The following NCAN variants were observed in gnomAD, a reference collection of about 807,000 sequenced individuals.
The protein encoded by NCAN is neurocan.
Under a neutral mutation model 121.8 loss-of-function variants are expected in NCAN, and 47 were observed. That is an observed-to-expected ratio of 0.39 (90% CI 0.31 to 0.49). NCAN has a LOEUF of 0.49. Among genes scored for constraint, NCAN ranks in the 20% least tolerant of loss-of-function variants. The pLI, the probability that NCAN is intolerant of heterozygous loss-of-function variation, is 0.92. For synonymous variants in NCAN, 633 were observed against 702.0 expected (o/e 0.90, Z 1.55); for missense variants, 1,517 against 1,773.4 (o/e 0.86, Z 2.60).
intron 8 of NCAN, among the ~76,000 whole-genome samples, chr19:19,231,662 C>T (rs1313453717): frequency 5.9e-5 from 9 of 151,976 alleles, no homozygotes; most frequent in Admixed American, 3.9e-4. Context: ...CACTAGGCTG[C>T]GAAATGCTTA....
chr19:19,220,793 C>T (rs751692300), intron 3 of NCAN, among the ~76,000 whole-genome samples: 1 of 151,970 alleles, frequency 6.6e-6, no homozygotes, highest in Non-Finnish European at 1.5e-5. Flanking sequence ...TGTTGAGCTG[C>T]GTGTGGTAGT....
Position 19,248,769 on chromosome 19 carries a change from T to A in NCAN, c.3707T>A (p.Val1236Asp), listed in dbSNP as rs2060935427. 1 of 1,614,006 alleles carries A rather than the reference T, an allele frequency of 6.2e-7. No individual in the cohort carries two copies. The highest frequency in any genetic ancestry group is 8.5e-7 in the Non-Finnish European group (1 of 1,180,014). Reference protein sequence around the residue: ...LIGARKAKYNVHATVRYQCNE... With the variant: ...LIGARKAKYNDHATVRYQCNE... ...GGTGCCCGCAAGGCCAAGTACAATG[T>A]CCATGCCACTGTAAGGTACCAGTGC... Residue 1236 changes from valine to aspartate, a missense_variant, in exon 14 of 15, where the codon GTC (valine) becomes GAC (aspartate). By Grantham distance (152) the Val-to-Asp change is radical. Coordinates refer to ENST00000252575, the MANE Select transcript of NCAN (RefSeq NM_004386.3).
chr19:19,221,385 T>C (rs886752048), intron 3 of NCAN, among the ~76,000 whole-genome samples: 1 of 151,930 alleles, frequency 6.6e-6, no homozygotes, highest in Admixed American at 6.6e-5. Flanking sequence ...CTGGCCAAGA[T>C]GGTGAAACCC....
At chr19:19,244,340 A>C (rs2060916169) in intron 12 of NCAN, among the ~76,000 whole-genome samples, 4 of 139,924 alleles carry the variant, frequency 2.9e-5, no homozygotes, top group Admixed American at 1.5e-4. Context: ...ATAGAATCTC[A>C]CTCCATCACC....
At chr19:19,230,715 CT>C (rs5827437) in intron 8 of NCAN, among the ~76,000 whole-genome samples, 79 of 127,766 alleles carry the variant, frequency 6.2e-4, no homozygotes, top group African/African-American at 8.3e-4. Flanking sequence ...GGGGTGGGAT[CT>C]TTTTTTTTTT....
chr19:19,238,304 G>A lies in NCAN; in HGVS notation c.3302G>A (p.Arg1101His), dbSNP rs372133867. Residue 1101 changes from arginine to histidine, a missense_variant, in exon 11 of 15, where the codon CGC (arginine) becomes CAC (histidine). By Grantham distance (29) the Arg-to-His change is conservative. Transcript: ENST00000252575. ...CATAAGTTCCAGGGCCACTGTTACC[G>A]CTATTTTGCCCACCGGAGGGCATGG... ...GWHKFQGHCYRYFAHRRAWED... is the reference protein window; with the variant it reads ...GWHKFQGHCYHYFAHRRAWED... The A allele has an allele frequency of 1.8e-5, 29 of 1,614,052 alleles. 1 individual carries two copies. The highest frequency in any genetic ancestry group is 6.7e-5 in the Admixed American group (4 of 60,008).
chr19:19,233,290 T>C (rs2146548114), intron 8 of NCAN, among the ~76,000 whole-genome samples: 1 of 151,990 alleles, frequency 6.6e-6, no homozygotes, highest in East Asian at 1.9e-4. Flanking sequence ...AGTGGAATGG[T>C]CAGATGCTGC....
At chr19:19,216,657 G>C (rs914267071) in intron 1 of NCAN, among the ~76,000 whole-genome samples, 4 of 151,912 alleles carry the variant, frequency 2.6e-5, no homozygotes, top group Admixed American at 2.6e-4. Context: ...GCCCAGGCTG[G>C]TCTCAAGCTT....
intron 1 of NCAN, among the ~76,000 whole-genome samples, chr19:19,215,731 C>T (rs1238992991): frequency 6.6e-6 from 1 of 152,174 alleles, no homozygotes; most frequent in Non-Finnish European, 1.5e-5. Flanking sequence ...TCGTGTCAGC[C>T]AGCAAACCCA....
At position 19,219,137 on chromosome 19, in the gene NCAN, A is replaced by T; in HGVS notation, c.296A>T (p.Asn99Ile). The T allele has an allele frequency of 6.2e-7, 1 of 1,613,932 alleles. No homozygotes were observed. Among genetic ancestry groups the T allele is most frequent in the Non-Finnish European group, 8.5e-7 (1 of 1,179,966 alleles). Residue 99 changes from asparagine (N) to isoleucine (I), a missense_variant, in exon 3 of 15, where the codon AAT becomes ATT. Transcript: ENST00000252575. ...TTGCCCATCCTGGTGGCCAAGGACA[A>T]TGTCGTGAGGGTGGCCAAAAGCTGG... ...QDLPILVAKD[N>I]VVRVAKSWQG...
rs1216024092 is a variant in NCAN at position 19,225,075 on chromosome 19, C to G, written c.877C>G (p.Leu293Val). ...TGCCGCGCTGGCCTCGGTGGGACAG[C>G]TGCACCTGGCCTGGCATGAGGGCCT... ...QGAALASVGQ[L>V]HLAWHEGLDQ... The change falls in exon 6 of 15, where the codon CTG becomes GTG. Residue 293 changes from leucine to valine, a missense_variant. Leu to Val is a conservative substitution (Grantham distance 32). Transcript: ENST00000252575. This position sits in a 1 kb window ranked among gnomAD's most constrained non-coding sequence, Gnocchi z 4.0. 5.9e-6 allele frequency: 9 copies of G among 1,527,326 alleles called. No homozygotes were observed. Among genetic ancestry groups the G allele is most frequent in the Non-Finnish European group, 7.0e-6 (8 of 1,145,162 alleles). The allele number at this position is 1,527,326 out of a possible 1,614,324, so 94.6% of individuals were successfully genotyped here.
At chr19:19,240,760 G>C in intron 12 of NCAN, 75 bp downstream of exon 12, 2 of 1,486,368 alleles carry the variant, frequency 1.3e-6, no homozygotes, top group African/African-American at 2.8e-5. Context: ...TTACCCTTTT[G>C]TGCAAAGTTA....
At chr19:19,242,782 A>G (rs2060908697) in intron 12 of NCAN, among the ~76,000 whole-genome samples, 1 of 152,194 alleles carries the variant, frequency 6.6e-6, no homozygotes, top group African/African-American at 2.4e-5. Flanking sequence ...ATACCCATCA[A>G]CAGATGAAGG....
chr19:19,248,386 A>G (rs1456278591), intron 13 of NCAN, among the ~76,000 whole-genome samples: 2 of 152,114 alleles, frequency 1.3e-5, no homozygotes, highest in East Asian at 3.9e-4. Context: ...CAGGGGTTGC[A>G]GTGAGCCGAG....
At chr19:19,222,180 A>C (rs193208636) in intron 3 of NCAN, among the ~76,000 whole-genome samples, 82 of 152,294 alleles carry the variant, frequency 5.4e-4, no homozygotes, top group African/African-American at 1.9e-3. Context: ...CATTTCTGAA[A>C]ATTGATAAAA....
In NCAN at chr19:19,224,157, C is replaced by T. The variant is rs757139600; in HGVS notation, c.612C>T (p.Asp204=). Residue 204 remains aspartate, a synonymous_variant, in exon 4 of 15, where the codon GAC becomes GAT. Transcript: ENST00000252575. ...AGGCTGCCTTTGAGGATGGCTTTGA[C>T]AACTGTGATGCTGGCTGGCTCTCTG... The part of the protein sequence containing the change: ...HLQAAFEDGF[D]NCDAGWLSDR... 2 of 1,600,556 alleles carry T rather than the reference C, an allele frequency of 1.2e-6. No homozygotes were observed. The highest frequency in any genetic ancestry group is 2.2e-5 in the South Asian group (2 of 90,220).
chr19:19,234,844 T>A (rs1164452949), intron 9 of NCAN, 139 bp from the exon 10 acceptor site: 2 of 492,972 alleles, frequency 4.1e-6, no homozygotes, highest in Non-Finnish European at 7.3e-6. Flanking sequence ...CATTGGGCCA[T>A]CTGTGCAAAC....
chr19:19,221,947 A>G (rs537169555), intron 3 of NCAN, among the ~76,000 whole-genome samples: 17 of 152,324 alleles, frequency 1.1e-4, no homozygotes, highest in African/African-American at 3.8e-4. Flanking sequence ...GGTTTGGCAC[A>G]CAGTAGATGC....
chr19:19,243,088 T>A (rs2060909749), intron 12 of NCAN, among the ~76,000 whole-genome samples: 1 of 152,032 alleles, frequency 6.6e-6, no homozygotes, highest in Non-Finnish European at 1.5e-5. Flanking sequence ...TATGATTTTT[T>A]TTTTTCATGA....
Sources: allele counts gnomAD v4.1 joint callset (sites outside exome capture counted in the v4.1 genomes callset), GRCh38; gene constraint gnomAD v4.1.1; non-coding constraint Gnocchi (gnomAD v3.1); transcripts MANE v1.5; gene names NCBI Gene and HGNC (gene_info 2026-07-23, HGNC 2026-07-21).